Variants in SCAF11 observed in about 807,000 individuals in gnomAD.
SCAF11 encodes the protein protein SCAF11.
A neutral mutation model predicts 140.5 loss-of-function variants in SCAF11; 47 were observed. The ratio of observed to expected loss-of-function variants is 0.33; its 90% CI spans 0.26 to 0.43. The LOEUF is 0.43. SCAF11 is among the 20% of genes least tolerant of loss of function. SCAF11 has a pLI of 1.00. For missense variants in SCAF11, 1,645 were observed against 1,705.1 expected (o/e 0.96, Z 0.62); for synonymous variants, 557 against 579.4 (o/e 0.96, Z 0.55).
rs1002840798 is a variant in SCAF11, at chr12:45,919,759, C to T, written c.*2289G>A. 13 of 152,166 alleles carry T rather than the reference C, an allele frequency of 8.5e-5. No individual in the cohort carries two copies. The highest frequency in any genetic ancestry group is 8.3e-4 in the South Asian group (4 of 4,826). 9.4% of individuals were successfully genotyped at this position (152,166 alleles called of 1,614,324 possible). On this transcript the variant is annotated 3_prime_UTR_variant, in exon 15 of 15. Transcript: ENST00000369367. ...ATGGAACACACACTTGTTACTGTCACGGAAATAATTCATGGGAGTGCTACT... is the reference window on the plus strand; with the variant it reads ...ATGGAACACACACTTGTTACTGTCATGGAAATAATTCATGGGAGTGCTACT...
At chr12:45,955,099 T>A (rs1353931034) in intron 3 of SCAF11, 1 of 152,170 alleles carries the variant, frequency 6.6e-6, no homozygotes, top group East Asian at 1.9e-4. Flanking sequence ...AAAATGTAAT[T>A]ACCTAAAGAT....
intron 3 of SCAF11, chr12:45,955,949 A>G (rs1945681127): frequency 4.9e-6 from 3 of 618,310 alleles, no homozygotes; most frequent in Non-Finnish European, 8.7e-6. Context: ...AATGCTCTGT[A>G]CTAAGGTTGT....
Position 45,959,667 on chromosome 12 carries a change from A to G in SCAF11, c.219+2033T>C, listed in dbSNP as rs151120050. Among the ~76,000 whole-genome samples the G allele has an allele frequency of 3.8e-3, 572 of 152,344 alleles. 5 individuals carry two copies. The highest frequency in any genetic ancestry group is 0.013 in the African/African-American group (540 of 41,580). ...TGAAAGCACTTACATGCTTTGAAAC[A>G]TATCTATTTTTATCACAGCAATAAA... On this transcript the variant is annotated intron_variant, in intron 3 of 14. Coordinates refer to ENST00000369367, the MANE Select transcript of SCAF11 (RefSeq NM_004719.3).
chr12:45,990,574 C>T lies in SCAF11; in HGVS notation c.-243G>A, dbSNP rs1946576256. ...CCGCGCGGCTTAAGCCACCGCTACT[C>T]CCCCTTCCCCCGCCTTGTCTAGCCT... On this transcript the variant is annotated 5_prime_UTR_variant, in exon 1 of 15. Transcript: ENST00000369367. 11 of 1,230,218 alleles carry T rather than the reference C, an allele frequency of 8.9e-6. No individual in the cohort carries two copies. The East Asian group carries it at 2.5e-4, about 28-fold the overall frequency. 76.2% of individuals were successfully genotyped at this position (1,230,218 alleles called of 1,614,324 possible).
chr12:45,950,632 A>G (rs1945527765), intron 4 of SCAF11, among the ~76,000 whole-genome samples: 1 of 152,212 alleles, frequency 6.6e-6, no homozygotes, highest in African/African-American at 2.4e-5. Flanking sequence ...CTTTTTTCTG[A>G]GATATAAACT....
Position 45,926,939 on chromosome 12 carries a change from T to C in SCAF11, c.2762A>G (p.Gln921Arg). 6.2e-7 allele frequency: 1 copy of C among 1,612,714 alleles called. No homozygotes were observed. The highest frequency in any genetic ancestry group is 8.5e-7 in the Non-Finnish European group (1 of 1,179,964). ...SRERESDRDG[Q>R]RRERERRTRK... ...GGTTCTCCTTTCTCTCTCTCTCCTC[T>C]GCCCATCTCTATCACTTTCTCGTTC... The change falls in exon 11 of 15, where the codon CAG becomes CGG. Residue 921 changes from glutamine (Q) to arginine (R), a missense_variant. This residue lies in a region of SCAF11 where 1,582 missense variants were observed against 1,609.2 expected (regional missense o/e 0.98). Transcript: ENST00000369367.
In SCAF11 at chr12:45,927,427, C is replaced by T. The variant is rs540625028; in HGVS notation, c.2274G>A (p.Pro758=). 30 of 1,613,344 alleles carry T rather than the reference C, an allele frequency of 1.9e-5. No individual in the cohort carries two copies. Among genetic ancestry groups the T allele is most frequent in the East Asian group, 4.5e-5 (2 of 44,888 alleles). Reference sequence around the variant, plus strand: ...CCTTTTCATCCGCAAGATCAGAAGACGGCATATTATTTTCAGAACAGTGTG... The same window carrying T: ...CCTTTTCATCCGCAAGATCAGAAGATGGCATATTATTTTCAGAACAGTGTG... ...SVTHCSENNM[P]SSDLADEKVE... The change falls in exon 11 of 15, where the codon CCG becomes CCA. Residue 758 remains proline, a synonymous_variant. Transcript: ENST00000369367.
Position 45,990,367 on chromosome 12 carries a change from G to C in SCAF11, c.-36C>G, listed in dbSNP as rs961009248. The C allele has an allele frequency of 4.9e-6, 6 of 1,231,954 alleles. No homozygotes were observed. In the Admixed American group the frequency reaches 1.7e-4, roughly 35 times the overall value. 76.3% of individuals were successfully genotyped at this position (1,231,954 alleles called of 1,614,324 possible). A position where few individuals can be genotyped will look rare whatever the true frequency, so the allele number is the denominator to read the frequency against. On this transcript the variant is annotated 5_prime_UTR_variant, in exon 1 of 15. Transcript: ENST00000369367. ...CCAGTGTTTACCTCAGACCGAGGTC[G>C]AGGCGCTCGGTCCGGCCGCGGCCCC...
At chr12:45,985,299 C>T (rs10880881) in intron 1 of SCAF11, among the ~76,000 whole-genome samples, 12 of 152,202 alleles carry the variant, frequency 7.9e-5, no homozygotes, top group Non-Finnish European at 1.5e-4. Context: ...CAACCCCCTG[C>T]ATGTGGCCAG....
upstream of SCAF11, among the ~76,000 whole-genome samples, chr12:45,991,626 C>T (rs921502342): frequency 6.6e-6 from 1 of 152,182 alleles, no homozygotes; most frequent in African/African-American, 2.4e-5. Context: ...TAGATAGTGA[C>T]GTGTGTGCCA....
Position 45,922,135 on chromosome 12 carries a change from G to C in SCAF11, c.4305C>G (p.Ala1435=), listed in dbSNP as rs376431197. The change falls in exon 15 of 15, where the codon GCC becomes GCG. Residue 1435 remains alanine (A), a synonymous_variant. Transcript: ENST00000369367. ...GTGAATATTTGTATTTGTCTACATA[G>C]GCTTTAACCAGATTTGCCACTTTAG... ...NSTKVANLVK[A]YVDKYKYSRK... is the part of the protein sequence containing the mutation. 1.7e-5 allele frequency: 28 copies of C among 1,613,340 alleles called. No homozygotes were observed. The African/African-American group carries it at 3.1e-4, about 18-fold the overall frequency.
chr12:45,944,817 A>G (rs1211596900), intron 6 of SCAF11, among the ~76,000 whole-genome samples: 1 of 152,238 alleles, frequency 6.6e-6, no homozygotes, highest in Non-Finnish European at 1.5e-5. Context: ...ATTAGAAGTA[A>G]GGCTAGAGGC....
intron 6 of SCAF11, among the ~76,000 whole-genome samples, chr12:45,935,402 T>C (rs1238186480): frequency 6.6e-6 from 1 of 152,118 alleles, no homozygotes; most frequent in East Asian, 1.9e-4. Context: ...ACAGGCTGAG[T>C]TCCGGAACTT....
chr12:45,923,175 C>T, intron 12 of SCAF11, 21 bp from the exon 13 acceptor site: 1 of 1,586,292 alleles, frequency 6.3e-7, no homozygotes, highest in Non-Finnish European at 8.7e-7. Flanking sequence ...GAGTTATCAT[C>T]AGTTAATGAA....
At chr12:45,951,391 T>TG (rs1462397953) in intron 4 of SCAF11, among the ~76,000 whole-genome samples, 2 of 152,182 alleles carry the variant, frequency 1.3e-5, no homozygotes, top group Non-Finnish European at 2.9e-5. Context: ...GTCCTTCAGA[T>TG]TATCAGAGAT....
intron 3 of SCAF11, chr12:45,954,896 A>G (rs1476173087): frequency 6.6e-6 from 1 of 150,698 alleles, no homozygotes; most frequent in Non-Finnish European, 1.5e-5. Flanking sequence ...GAGCCATTCC[A>G]TTTGATCCGT....
chr12:45,944,248 T>C (rs942398492), intron 6 of SCAF11, among the ~76,000 whole-genome samples: 3 of 152,200 alleles, frequency 2.0e-5, no homozygotes, highest in Admixed American at 6.5e-5. Context: ...AAAGACTGTT[T>C]TCATATCTAA....
At chr12:45,946,035 G>A (rs1945415650) in intron 5 of SCAF11, among the ~76,000 whole-genome samples, 1 of 152,034 alleles carries the variant, frequency 6.6e-6, no homozygotes, top group South Asian at 2.1e-4. Flanking sequence ...GATCATGACT[G>A]ACTGGCTATT....
chr12:45,990,752 C>G (rs974501435), upstream of SCAF11: 4 of 227,896 alleles, frequency 1.8e-5, no homozygotes, highest in African/African-American at 9.3e-5. Flanking sequence ...CCAGTTGGGC[C>G]GCAGGGGGGC....
Sources: allele counts gnomAD v4.1 joint callset (sites outside exome capture counted in the v4.1 genomes callset), GRCh38; gene constraint gnomAD v4.1.1; regional missense constraint gnomAD v4.1.1; transcripts MANE v1.5; gene names NCBI Gene and HGNC (gene_info 2026-07-23, HGNC 2026-07-21).